Variants in RCC1L observed in about 807,000 individuals in gnomAD.
RCC1L encodes RCC1-like G exchanging factor-like protein.
RCC1L carries 46 observed loss-of-function variants against 58.6 expected under a neutral mutation model. The observed-to-expected ratio is 0.79, with a 90% CI of 0.62 to 1.00. RCC1L has a LOEUF of 1.00. Among genes scored for constraint, RCC1L ranks in the 50% least tolerant of loss-of-function variants. The pLI, the probability that RCC1L is intolerant of heterozygous loss-of-function variation, is 0.00. For synonymous variants in RCC1L, 281 were observed against 262.9 expected (o/e 1.07, Z -0.67); for missense variants, 636 against 623.6 (o/e 1.02, Z -0.21).
downstream of RCC1L, among the ~76,000 whole-genome samples, chr7:75,041,298 G>A (rs1024805404): frequency 8.6e-5 from 13 of 152,004 alleles, no homozygotes; most frequent in South Asian, 8.4e-4. Context: ...TTCTCTCAAC[G>A]GCCCACAGAA....
intron 1 of RCC1L, 23 bp downstream of exon 1, chr7:75,073,391 A>AG: frequency 9.6e-7 from 1 of 1,044,194 alleles, no homozygotes; most frequent in Non-Finnish European, 1.3e-6. Flanking sequence ...AGAAGGAGAG[A>AG]AGGAGGAAGC....
At chr7:75,057,879 C>T (rs1187496268) in intron 7 of RCC1L, 9 of 466,326 alleles carry the variant, frequency 1.9e-5, no homozygotes, top group Admixed American at 6.3e-5. Flanking sequence ...CATTTGTGGC[C>T]GGGTGTGGTG....
intron 10 of RCC1L, among the ~76,000 whole-genome samples, chr7:75,029,495 C>A (rs1288369642): frequency 6.6e-6 from 1 of 151,894 alleles, no homozygotes; most frequent in Non-Finnish European, 1.5e-5. Context: ...AGGCACCCAC[C>A]ACCACGCTCG....
At chr7:75,043,517 C>T (rs924814085) in intron 10 of RCC1L, among the ~76,000 whole-genome samples, 1 of 152,200 alleles carries the variant, frequency 6.6e-6, no homozygotes, top group African/African-American at 2.4e-5. Flanking sequence ...GCTCCATGCC[C>T]CCAGGCCAGG....
rs983981625 is a variant in RCC1L, at chr7:75,028,758, C to T, written c.1318-679G>A. ...CTTCCTCCATGGGCATCTCCAGGAC[C>T]GCCCTCCTTCAAGGGGCACTGCCCA... On this transcript the variant is annotated intron_variant, in intron 10 of 10. Transcript: ENST00000614461. 8.6e-4 allele frequency among the ~76,000 whole-genome samples: 131 copies of T among 152,278 alleles called. 1 individual carries two copies. The highest frequency in any genetic ancestry group is 2.9e-3 in the African/African-American group (121 of 41,560).
intron 8 of RCC1L, chr7:75,056,851 C>T: frequency 1.0e-6 from 1 of 955,964 alleles, no homozygotes; most frequent in South Asian, 1.4e-5. Flanking sequence ...CAGGGTCTCA[C>T]CGTGTTGCCC....
At chr7:75,072,052 C>G (rs13238490) in intron 1 of RCC1L, among the ~76,000 whole-genome samples, 1 of 147,112 alleles carries the variant, frequency 6.8e-6, no homozygotes, top group African/African-American at 2.5e-5. Flanking sequence ...CCCATGATCA[C>G]GCCACTGTAC....
Position 75,073,697 on chromosome 7 carries a change from C to CGCCCCAGCCGA in RCC1L, c.30_40dup (p.Arg14LeufsTer7). On this transcript the variant is annotated frameshift_variant, in exon 1 of 11. Coordinates refer to ENST00000610322, the MANE Select transcript of RCC1L (RefSeq NM_030798.5). LOFTEE classifies it high-confidence loss of function. ...CCCCAGCCCCGGCCCGCTCAGCCGC[C>CGCCCCAGCCGA]GCCCCAGCCGAGCCCCAGCCACCAA... 1 of 1,508,718 alleles carries CGCCCCAGCCGA rather than the reference C, an allele frequency of 6.6e-7. No homozygotes were observed. The highest frequency in any genetic ancestry group is 8.8e-7 in the Non-Finnish European group (1 of 1,135,434). 93.5% of individuals were successfully genotyped at this position (1,508,718 alleles called of 1,614,324 possible).
intron 4 of RCC1L, 107 bp downstream of exon 4, chr7:75,064,474 CT>C: frequency 8.1e-7 from 1 of 1,236,722 alleles, no homozygotes. Context: ...TCACGGCCCC[CT>C]CTCAGGCATG....
chr7:75,073,545 C>G lies in RCC1L; in HGVS notation c.193G>C (p.Gly65Arg). Reference protein sequence around the residue: ...AARADRVFVWGFSFSGALGVP... With the variant: ...AARADRVFVWRFSFSGALGVP... ...CCCAGCGCCCCCGAGAAGCTGAAGC[C>G]CCACACGAAGACGCGATCGGCGCGG... Residue 65 changes from glycine to arginine, a missense_variant, in exon 1 of 11, where the codon GGC (glycine) becomes CGC (arginine). By Grantham distance (125) the Gly-to-Arg change is moderately radical. Transcript: ENST00000610322. 1 of 1,504,266 alleles carries G rather than the reference C, an allele frequency of 6.6e-7. No individual in the cohort carries two copies. The highest frequency in any genetic ancestry group is 1.3e-5 in the South Asian group (1 of 79,412). The allele number at this position is 1,504,266 out of a possible 1,614,324, so 93.2% of individuals were successfully genotyped here.
At chr7:75,055,741 G>A (rs2131991962) in intron 9 of RCC1L, 160 bp downstream of exon 9, 2 of 827,246 alleles carry the variant, frequency 2.4e-6, no homozygotes, top group Middle Eastern at 6.9e-4. Context: ...ACAACCTCGA[G>A]GCAAACAACT....
At chr7:75,038,878 C>A (rs1805485905), downstream of RCC1L, among the ~76,000 whole-genome samples, 2 of 152,178 alleles carry the variant, frequency 1.3e-5, no homozygotes, top group African/African-American at 4.8e-5. Context: ...CGGGGGGAAA[C>A]CCAGTCTCGG....
intron 8 of RCC1L, among the ~76,000 whole-genome samples, 171 bp from the exon 9 acceptor site, chr7:75,056,245 A>G (rs1554443941): frequency 6.6e-6 from 1 of 150,972 alleles, no homozygotes; most frequent in Non-Finnish European, 1.5e-5. Flanking sequence ...ACAGAGATTT[A>G]GAATAATAAT....
At chr7:75,043,154 C>T (rs1299875127) in intron 10 of RCC1L, 45 bp from the exon 11 acceptor site, 31 of 1,610,702 alleles carry the variant, frequency 1.9e-5, no homozygotes, top group African/African-American at 1.6e-4. Context: ...GTGGCGCACC[C>T]GGAGGAGACA....
At position 75,064,481 on chromosome 7, in the gene RCC1L, G is replaced by A. The variant is rs1554444813; in HGVS notation, c.650+101C>T. 5 of 1,311,332 alleles carry A rather than the reference G, an allele frequency of 3.8e-6. No homozygotes were observed. The East Asian group carries it at 1.2e-4, about 30-fold the overall frequency. The allele number at this position is 1,311,332 out of a possible 1,614,324, so 81.2% of individuals were successfully genotyped here. A position where few individuals can be genotyped will look rare whatever the true frequency, so the allele number is the denominator to read the frequency against. ...CTGAGTTCTCACGGCCCCCTCTCAG[G>A]CATGCCTCTGACCGCCCCGCGGGTT... On this transcript the variant is annotated intron_variant, in intron 4 of 10. Transcript: ENST00000610322.
At chr7:75,029,022 G>C (rs1805223134) in intron 10 of RCC1L, among the ~76,000 whole-genome samples, 1 of 152,246 alleles carries the variant, frequency 6.6e-6, no homozygotes, top group Non-Finnish European at 1.5e-5. Flanking sequence ...GGTGACATTT[G>C]TTCAGCAGGA....
chr7:75,070,062 T>C (rs2132013210), intron 2 of RCC1L, among the ~76,000 whole-genome samples: 1 of 152,234 alleles, frequency 6.6e-6, no homozygotes, highest in Middle Eastern at 3.4e-3. Context: ...ACGCTGTCTG[T>C]CTCCAAGCCA....
At chr7:75,038,743 C>T (rs907234639), downstream of RCC1L, among the ~76,000 whole-genome samples, 5 of 152,136 alleles carry the variant, frequency 3.3e-5, no homozygotes, top group African/African-American at 1.2e-4. Flanking sequence ...GTTAGACTGG[C>T]ACCCACCAGG....
chr7:75,056,874 T>C, intron 8 of RCC1L: 3 of 815,174 alleles, frequency 3.7e-6, no homozygotes, highest in Non-Finnish European at 6.0e-6. Flanking sequence ...TGCAGTGGCA[T>C]GATCATAGCT....
Sources: allele counts gnomAD v4.1 joint callset (sites outside exome capture counted in the v4.1 genomes callset), GRCh38; gene constraint gnomAD v4.1.1; transcripts MANE v1.5; gene names NCBI Gene and HGNC (gene_info 2026-07-23, HGNC 2026-07-21).